SPATA6: variants seen among roughly 807,000 people sequenced by gnomAD.
SPATA6 encodes the protein spermatogenesis associated 6, also known as spermatogenesis-associated protein 6.
SPATA6 carries 56 observed loss-of-function variants against 65.3 expected under a neutral mutation model. That is an observed-to-expected ratio of 0.86 (90% confidence interval 0.69 to 1.07). The LOEUF (loss-of-function observed/expected upper bound fraction) is 1.07. SPATA6 is among the 50% of genes least tolerant of loss of function. The probability of loss-of-function intolerance (pLI) is 0.00; values close to 1 mark genes in which losing one functional copy is unlikely to be tolerated. For missense variants in SPATA6, 590 were observed against 594.8 expected, an observed-to-expected ratio of 0.99 and a Z score of 0.08; for synonymous variants, 199 against 213.2, an observed-to-expected ratio of 0.93 and a Z score of 0.58.
intron 11 of SPATA6, among the ~76,000 whole-genome samples, chr1:48,313,295 A>C (rs1195024073): frequency 6.6e-6 from 1 of 152,206 alleles, no homozygotes; most frequent in African/African-American, 2.4e-5. Flanking sequence ...AGCCAGAGAG[A>C]AAGGTCGGGT....
At chr1:48,307,454 T>TG (rs1645089725) in intron 11 of SPATA6, among the ~76,000 whole-genome samples, 1 of 150,042 alleles carries the variant, frequency 6.7e-6, no homozygotes, top group Non-Finnish European at 1.5e-5. Context: ...GACCCATCTT[T>TG]TGTAAGAGTC....
chr1:48,364,991 G>A (rs1021017818), intron 9 of SPATA6, among the ~76,000 whole-genome samples: 1 of 152,150 alleles, frequency 6.6e-6, no homozygotes, highest in Non-Finnish European at 1.5e-5. Context: ...TGTAAGGAAA[G>A]GATCCAGTTT....
chr1:48,395,372 T>A lies in SPATA6; in HGVS notation c.781-18A>T. 1 of 1,516,558 alleles carries A rather than the reference T, an allele frequency of 6.6e-7. No individual in the cohort carries two copies. Among genetic ancestry groups the A allele is most frequent in the Non-Finnish European group, 8.8e-7 (1 of 1,131,094 alleles). 93.9% of individuals were successfully genotyped at this position (1,516,558 alleles called of 1,614,324 possible). A position where few individuals can be genotyped will look rare whatever the true frequency, so the allele number is the denominator to read the frequency against. On this transcript the variant is annotated intron_variant, in intron 7 of 12. Transcript: ENST00000371847. The stretch of plus-strand genomic sequence containing the variant: ...GGATCAACCTAGAGGAAGCAGGATT[T>A]TTATGTAAAAGAGAGTTTAAACATT...
At chr1:48,280,856 C>T in the SPATA6 span, among the ~76,000 whole-genome samples, 570 of 152,224 alleles carry the variant, frequency 3.7e-3, 6 homozygotes, top group African/African-American at 0.013. Context: ...ATCCTGATAC[C>T]AAAGCCGAGC....
In SPATA6 at chr1:48,470,838, C is replaced by G. The variant is rs375291279; in HGVS notation, c.51+1120G>C. ...AGTAATGGTAATATTTCAGCACTCT[C>G]AACCCCCAAGTTTTCCTAGGAGATC... On this transcript the variant is annotated intron_variant, in intron 1 of 12. Coordinates refer to ENST00000371847, the MANE Select transcript of SPATA6 (RefSeq NM_019073.4). 3.9e-5 allele frequency among the ~76,000 whole-genome samples: 6 copies of G among 152,102 alleles called. No individual in the cohort carries two copies. The East Asian group carries it at 1.2e-3, about 30-fold the overall frequency.
At chr1:48,314,717 C>T (rs1049341543) in intron 11 of SPATA6, among the ~76,000 whole-genome samples, 7 of 151,770 alleles carry the variant, frequency 4.6e-5, no homozygotes, top group Non-Finnish European at 1.0e-4. Flanking sequence ...GAGACAGAGA[C>T]ACAAAAGACC....
intron 3 of SPATA6, among the ~76,000 whole-genome samples, chr1:48,448,305 T>C (rs971260749): frequency 4.7e-5 from 7 of 150,060 alleles, no homozygotes; most frequent in African/African-American, 1.2e-4. Context: ...GAGCAAAGCA[T>C]AGGCAAAGTA....
At chr1:48,316,287 A>G (rs1172486463) in intron 11 of SPATA6, among the ~76,000 whole-genome samples, 4 of 152,198 alleles carry the variant, frequency 2.6e-5, no homozygotes, top group Admixed American at 6.5e-5. Flanking sequence ...AAACTATACT[A>G]CAAGGCTACA....
At chr1:48,402,224 T>C (rs1180369467) in intron 6 of SPATA6, among the ~76,000 whole-genome samples, 1 of 152,148 alleles carries the variant, frequency 6.6e-6, no homozygotes, top group Non-Finnish European at 1.5e-5. Context: ...ATAAGTACAA[T>C]TAAACTATGA....
chr1:48,331,914 T>C (rs910107470), intron 11 of SPATA6, among the ~76,000 whole-genome samples: 2 of 152,208 alleles, frequency 1.3e-5, no homozygotes, highest in Non-Finnish European at 2.9e-5. Flanking sequence ...ACTGGGGACC[T>C]GTATTCAACA....
chr1:48,413,031 A>G (rs919521025), intron 4 of SPATA6, 79 bp downstream of exon 4: 15 of 416,658 alleles, frequency 3.6e-5, no homozygotes, highest in Non-Finnish European at 5.6e-5. Context: ...ATAATATAGT[A>G]TAATCAATAT....
chr1:48,334,107 A>G (rs182469930), intron 11 of SPATA6, among the ~76,000 whole-genome samples: 1 of 152,278 alleles, frequency 6.6e-6, no homozygotes, highest in Non-Finnish European at 1.5e-5. Flanking sequence ...GAACAGACCA[A>G]TAACAAGCTT....
intron 11 of SPATA6, among the ~76,000 whole-genome samples, chr1:48,328,252 T>C (rs944197756): frequency 1.3e-5 from 2 of 152,118 alleles, no homozygotes; most frequent in African/African-American, 4.8e-5. Flanking sequence ...TTATAAATAA[T>C]AGTTTGGCAA....
chr1:48,333,268 C>A (rs1335797028), intron 11 of SPATA6, among the ~76,000 whole-genome samples: 1 of 152,212 alleles, frequency 6.6e-6, no homozygotes, highest in East Asian at 1.9e-4. Context: ...CTGCATGCTT[C>A]CTGTCCTCAA....
At chr1:48,304,676 TCTTA>T (rs887119154) in intron 12 of SPATA6, among the ~76,000 whole-genome samples, 71 of 152,246 alleles carry the variant, frequency 4.7e-4, no homozygotes, top group African/African-American at 1.5e-3. Context: ...GATTTCCACA[TCTTA>T]CTTATATATA....
At chr1:48,285,691 G>C in the SPATA6 span, among the ~76,000 whole-genome samples, 1 of 152,086 alleles carries the variant, frequency 6.6e-6, no homozygotes, top group African/African-American at 2.4e-5. Flanking sequence ...GACTATGGCA[G>C]GGAGTTCCTG....
chr1:48,322,871 A>G (rs1004846310), intron 11 of SPATA6, among the ~76,000 whole-genome samples: 3 of 152,268 alleles, frequency 2.0e-5, no homozygotes, highest in African/African-American at 4.8e-5. Flanking sequence ...CCACAATGAG[A>G]TATCATCTCA....
intron 9 of SPATA6, among the ~76,000 whole-genome samples, chr1:48,382,517 A>C: frequency 1.8e-5 from 1 of 56,980 alleles, no homozygotes; most frequent in Non-Finnish European, 3.6e-5. Flanking sequence ...AGGGGTCCTC[A>C]CTTCCCAGTA....
intron 11 of SPATA6, among the ~76,000 whole-genome samples, chr1:48,316,590 C>T (rs1645429303): frequency 6.6e-6 from 1 of 152,116 alleles, no homozygotes; most frequent in South Asian, 2.1e-4. Flanking sequence ...TAGAAGAAAA[C>T]CTAGGCAATA....
Sources: allele counts gnomAD v4.1 joint callset (sites outside exome capture counted in the v4.1 genomes callset), GRCh38; gene constraint gnomAD v4.1.1; transcripts MANE v1.5; gene names NCBI Gene and HGNC (gene_info 2026-07-23, HGNC 2026-07-21).